Variants in ARID1B observed in about 807,000 individuals in gnomAD.
ARID1B encodes AT-rich interaction domain 1B.
A neutral mutation model predicts 212.3 loss-of-function variants in ARID1B; 30 were observed. That is an observed-to-expected ratio of 0.14 (90% confidence interval 0.11 to 0.19). The LOEUF is 0.19. Among genes scored for constraint, ARID1B ranks in the 10% least tolerant of loss-of-function variants. ARID1B has a pLI of 1.00. For synonymous variants in ARID1B, 1,402 were observed against 1,301.7 expected (o/e 1.08, Z -1.66); for missense variants, 2,891 against 3,204.0 (o/e 0.90, Z 2.36).
chr6:157,040,094 C>T (rs1337273755), intron 4 of ARID1B, among the ~76,000 whole-genome samples: 7 of 151,984 alleles, frequency 4.6e-5, no homozygotes, highest in African/African-American at 1.7e-4. Context: ...GGACTACAGG[C>T]GCGTGCCACT....
At chr6:157,095,512 A>G (rs908121341) in intron 5 of ARID1B, among the ~76,000 whole-genome samples, 1 of 152,224 alleles carries the variant, frequency 6.6e-6, no homozygotes, top group Non-Finnish European at 1.5e-5. Flanking sequence ...CCCGTGTCCA[A>G]GACAACTTAG....
intron 4 of ARID1B, among the ~76,000 whole-genome samples, chr6:157,005,110 C>T (rs529357008): frequency 1.4e-5 from 2 of 147,952 alleles, no homozygotes; most frequent in Admixed American, 6.7e-5. Flanking sequence ...GACGGGGTTT[C>T]ACCATGTTGG....
chr6:156,777,026 T>C (rs1383445075), upstream of ARID1B: 1 of 152,302 alleles, frequency 6.6e-6, no homozygotes, highest in Non-Finnish European at 1.5e-5. Flanking sequence ...GACAACTTTG[T>C]TTCCCAGCCC....
At position 157,193,154 on chromosome 6, in the gene ARID1B, G is replaced by A. The variant is rs758815529; in HGVS notation, c.4231+2944G>A. Among the ~76,000 whole-genome samples, 12 of 152,074 alleles carry A rather than the reference G, an allele frequency of 7.9e-5. No individual in the cohort carries two copies. The Middle Eastern group carries it at 0.01, about 130-fold the overall frequency. ...TATGTTTAACAGAATAGTATATATC[G>A]AATTTATATTATTATCTGTACACAT... On this transcript the variant is annotated intron_variant, in intron 15 of 19. Transcript: ENST00000636930.
At chr6:157,010,928 C>T (rs7743462) in intron 4 of ARID1B, among the ~76,000 whole-genome samples, 148,628 of 152,352 alleles carry the variant, frequency 0.98, 72,528 homozygotes, top group East Asian at 1. Flanking sequence ...AACTTTTTAA[C>T]GAAGGAAAAG....
At chr6:157,022,727 CTT>C (rs1320901463) in intron 4 of ARID1B, 1 of 150,136 alleles carries the variant, frequency 6.7e-6, no homozygotes, top group Non-Finnish European at 1.5e-5. Context: ...AATTTGTTCT[CTT>C]GTTGATAATT....
At chr6:156,782,631 A>G (rs1352640824) in intron 1 of ARID1B, among the ~76,000 whole-genome samples, 1 of 152,166 alleles carries the variant, frequency 6.6e-6, no homozygotes, top group Non-Finnish European at 1.5e-5. Context: ...GAAGCTACAA[A>G]CTGGTTCCTG....
chr6:156,897,218 G>GCTGCTC (rs1554264583), intron 2 of ARID1B, among the ~76,000 whole-genome samples: 1 of 91,378 alleles, frequency 1.1e-5, no homozygotes, highest in Non-Finnish European at 2.2e-5. Context: ...TGCTGCTGCT[G>GCTGCTC]CTTCTTCTTC....
chr6:156,820,448 G>A (rs1782275084), intron 1 of ARID1B, among the ~76,000 whole-genome samples: 1 of 152,224 alleles, frequency 6.6e-6, no homozygotes, highest in Non-Finnish European at 1.5e-5. Context: ...GAAATTAACA[G>A]TCTGCTGGGG....
intron 1 of ARID1B, among the ~76,000 whole-genome samples, chr6:156,805,720 CAGT>C (rs2127960486): frequency 1.3e-5 from 2 of 151,960 alleles, no homozygotes; most frequent in African/African-American, 4.8e-5. Context: ...TTTTTAGAGA[CAGT>C]GGAGTGCAGT....
chr6:156,954,415 A>T (rs1224949001), intron 4 of ARID1B, among the ~76,000 whole-genome samples: 1 of 152,086 alleles, frequency 6.6e-6, no homozygotes, highest in East Asian at 1.9e-4. Context: ...CCTGTGTGGA[A>T]TGAGGCCGTT....
At chr6:156,994,499 T>C (rs1450716421) in intron 4 of ARID1B, among the ~76,000 whole-genome samples, 1 of 150,406 alleles carries the variant, frequency 6.6e-6, no homozygotes, top group East Asian at 1.9e-4. Context: ...AAAACAAATA[T>C]ACAAAAAAAA....
rs2128045753 is a variant in ARID1B at position 156,829,231 on chromosome 6, G to A, written c.1796G>A (p.Ser599Asn). The A allele has an allele frequency of 6.2e-7, 1 of 1,611,880 alleles. No homozygotes were observed. The highest frequency in any genetic ancestry group is 8.5e-7 in the Non-Finnish European group (1 of 1,178,602). The change falls in exon 2 of 20, where the codon AGC becomes AAC. Residue 599 changes from serine to asparagine, a missense_variant. Physicochemically the swap from Ser to Asn is conservative, Grantham distance 46. Coordinates refer to ENST00000636930, the MANE Select transcript of ARID1B (RefSeq NM_001374828.1). ...PGPTMGRSQGSPMDPMVMKRP... is the reference protein window; with the variant it reads ...PGPTMGRSQGNPMDPMVMKRP... ...ACTTCTTTTATGTCTTCACAGGGCA[G>A]CCCAATGGATCCAATGGTGATGAAG...
intron 4 of ARID1B, among the ~76,000 whole-genome samples, chr6:156,986,009 G>A (rs1365978181): frequency 6.6e-6 from 1 of 152,062 alleles, no homozygotes; most frequent in African/African-American, 2.4e-5. Context: ...TGCCTCCTGC[G>A]ATTTTTCTGT....
At chr6:156,883,459 G>C (rs866948325) in intron 2 of ARID1B, among the ~76,000 whole-genome samples, 3 of 152,170 alleles carry the variant, frequency 2.0e-5, no homozygotes, top group South Asian at 2.1e-4. Flanking sequence ...TGTGTGGAAA[G>C]TTAAAATAAG....
At chr6:157,119,760 G>A (rs1221198345) in intron 6 of ARID1B, 1 of 152,272 alleles carries the variant, frequency 6.6e-6, no homozygotes, top group Non-Finnish European at 1.5e-5. Context: ...TGGGATTACA[G>A]TTGATTCACA....
chr6:157,132,103 G>C (rs1330358293), intron 6 of ARID1B, among the ~76,000 whole-genome samples: 2 of 152,250 alleles, frequency 1.3e-5, no homozygotes, highest in Non-Finnish European at 2.9e-5. Flanking sequence ...ACTGGGGTTA[G>C]CAAGGCTGAG....
chr6:157,194,584 A>G (rs1330176643), intron 15 of ARID1B: 1 of 152,202 alleles, frequency 6.6e-6, no homozygotes, highest in African/African-American at 2.4e-5. Context: ...AGCTGATGCT[A>G]ATTTGCATGT....
intron 4 of ARID1B, among the ~76,000 whole-genome samples, chr6:157,073,256 C>T (rs1784099523): frequency 1.3e-5 from 2 of 152,038 alleles, no homozygotes; most frequent in Non-Finnish European, 2.9e-5. Flanking sequence ...ATGTACACCA[C>T]AACACCTGCC....
Sources: allele counts gnomAD v4.1 joint callset (sites outside exome capture counted in the v4.1 genomes callset), GRCh38; gene constraint gnomAD v4.1.1; transcripts MANE v1.5; gene names NCBI Gene and HGNC (gene_info 2026-07-23, HGNC 2026-07-21).